The following ARHGAP35 variants were observed in gnomAD, a reference collection of about 807,000 sequenced individuals.
The protein encoded by ARHGAP35 is rho GTPase-activating protein 35.
ARHGAP35 carries 15 observed loss-of-function variants against 111.1 expected under a neutral mutation model. The observed-to-expected ratio is 0.13, with a 90% CI of 0.09 to 0.21. The LOEUF is 0.21. ARHGAP35 is among the 10% of genes least tolerant of loss of function. The pLI is 1.00. For synonymous variants in ARHGAP35, 643 were observed against 710.3 expected (o/e 0.91, Z 1.51); for missense variants, 1,262 against 1,873.0 (o/e 0.67, Z 6.02).
intron 1 of ARHGAP35, among the ~76,000 whole-genome samples, chr19:46,865,988 G>A (rs1335639122): frequency 6.6e-6 from 1 of 152,058 alleles, no homozygotes; most frequent in East Asian, 1.9e-4. Flanking sequence ...TTACAGGCAT[G>A]CACCACCACG....
chr19:46,991,095 G>A (rs1282831539), intron 5 of ARHGAP35, among the ~76,000 whole-genome samples: 3 of 152,178 alleles, frequency 2.0e-5, no homozygotes, highest in East Asian at 3.9e-4. Context: ...GGGGACAGTT[G>A]CAGGCTTCTC....
intron 1 of ARHGAP35, among the ~76,000 whole-genome samples, chr19:46,884,630 A>G (rs1175735205): frequency 6.6e-6 from 1 of 150,754 alleles, no homozygotes; most frequent in Non-Finnish European, 1.5e-5. Flanking sequence ...CCTAATAGCT[A>G]GGACTACAGG....
At chr19:46,889,531 C>A (rs1488202852) in intron 1 of ARHGAP35, among the ~76,000 whole-genome samples, 3 of 152,084 alleles carry the variant, frequency 2.0e-5, no homozygotes, top group Admixed American at 2.0e-4. Context: ...ATAAAATGTG[C>A]ACCGCCTTAG....
intron 1 of ARHGAP35, among the ~76,000 whole-genome samples, chr19:46,886,121 G>T (rs1462450586): frequency 6.6e-6 from 1 of 152,152 alleles, no homozygotes; most frequent in Non-Finnish European, 1.5e-5. Flanking sequence ...TTATGTTGTC[G>T]TCGTCCGTCC....
chr19:46,962,579 T>C (rs2056490319), intron 3 of ARHGAP35, among the ~76,000 whole-genome samples: 1 of 152,174 alleles, frequency 6.6e-6, no homozygotes, highest in South Asian at 2.1e-4. Flanking sequence ...AAAAGTTCGG[T>C]TCTCTGTTAC....
intron 1 of ARHGAP35, among the ~76,000 whole-genome samples, chr19:46,862,626 C>T (rs2055835003): frequency 6.6e-6 from 1 of 152,024 alleles, no homozygotes; most frequent in African/African-American, 2.4e-5. Flanking sequence ...TTAGTGTTTC[C>T]CTCCCCAGCT....
At chr19:46,906,454 T>C (rs1036733019) in intron 1 of ARHGAP35, among the ~76,000 whole-genome samples, 7 of 152,234 alleles carry the variant, frequency 4.6e-5, no homozygotes, top group African/African-American at 1.7e-4. Flanking sequence ...TCTCTTGCTA[T>C]GCAGCCAGGA....
At chr19:46,981,059 C>G (rs1222838943) in intron 3 of ARHGAP35, among the ~76,000 whole-genome samples, 1 of 152,152 alleles carries the variant, frequency 6.6e-6, no homozygotes, top group Non-Finnish European at 1.5e-5. Context: ...AGAAGACACA[C>G]CATAGATACA....
rs777545082 is a variant in ARHGAP35 at position 47,000,524 on chromosome 19, G to A, written c.4336G>A (p.Gly1446Ser). The A allele has an allele frequency of 6.8e-6, 11 of 1,612,084 alleles. No individual in the cohort carries two copies. The highest frequency in any genetic ancestry group is 1.6e-4 in the Middle Eastern group (1 of 6,080). ...FYNRPITEPP[G>S]ARPSSPSAVA... ...CAATCGGCCCATCACCGAGCCCCCC[G>A]GCGCCAGGCCCAGCTCCCCCTCTGC... is the stretch of plus-strand genomic sequence containing the variant. Residue 1446 changes from glycine to serine, a missense_variant, in exon 7 of 7, where the codon GGC (glycine) becomes AGC (serine). This residue lies in a region of ARHGAP35 where 75 missense variants were observed against 87.0 expected (regional missense o/e 0.86). Coordinates refer to ENST00000672722, the MANE Select transcript of ARHGAP35 (RefSeq NM_004491.5). The surrounding 1 kb of genome is among the most constrained non-coding windows in gnomAD (Gnocchi z 6.9).
At chr19:46,907,915 G>GA (rs1426608536) in intron 1 of ARHGAP35, among the ~76,000 whole-genome samples, 1 of 152,214 alleles carries the variant, frequency 6.6e-6, no homozygotes, top group Non-Finnish European at 1.5e-5. Flanking sequence ...GCAGTTTACA[G>GA]AATAATGCAA....
chr19:46,937,478 A>G (rs1273404900), intron 3 of ARHGAP35, 70 bp downstream of exon 3: 3 of 1,535,578 alleles, frequency 2.0e-6, no homozygotes, highest in East Asian at 4.5e-5. Context: ...GGGTCAAGCC[A>G]TCTGGAGATT....
intron 2 of ARHGAP35, among the ~76,000 whole-genome samples, chr19:46,925,373 CA>C (rs1391941239): frequency 6.6e-6 from 1 of 152,146 alleles, no homozygotes; most frequent in African/African-American, 2.4e-5. Flanking sequence ...AAGATGCCAT[CA>C]GGGGAGAGAA....
At chr19:46,863,468 C>T (rs1213384913) in intron 1 of ARHGAP35, among the ~76,000 whole-genome samples, 1 of 151,966 alleles carries the variant, frequency 6.6e-6, no homozygotes, top group Non-Finnish European at 1.5e-5. Context: ...CTGCTGTTTG[C>T]TCTCTCCCTT....
At chr19:46,955,926 A>G (rs530857490) in intron 3 of ARHGAP35, among the ~76,000 whole-genome samples, 5 of 152,334 alleles carry the variant, frequency 3.3e-5, no homozygotes, top group South Asian at 4.1e-4. Context: ...CAGGTCACGC[A>G]TCCCTAATCT....
chr19:46,960,826 T>A lies in ARHGAP35; in HGVS notation c.3826+23418T>A, dbSNP rs189405688. ...TTTTCCCACCTAAAAATGTATTGCA[T>A]ACATTTTCCTATAATGATGGGCATA... is the stretch of plus-strand genomic sequence containing the variant. On this transcript the variant is annotated intron_variant, in intron 3 of 6. Coordinates refer to ENST00000672722, the MANE Select transcript of ARHGAP35 (RefSeq NM_004491.5). Among the ~76,000 whole-genome samples the A allele has an allele frequency of 1.3e-3, 203 of 152,156 alleles. 2 individuals are homozygous for A. The highest frequency in any genetic ancestry group is 3.3e-3 in the Admixed American group (50 of 15,290).
chr19:46,950,133 A>G (rs1188692161), intron 3 of ARHGAP35, among the ~76,000 whole-genome samples: 1 of 152,180 alleles, frequency 6.6e-6, no homozygotes, highest in African/African-American at 2.4e-5. Flanking sequence ...CTGCTTTTGT[A>G]TTTTAAAAAT....
At chr19:46,940,313 C>T (rs1466099168) in intron 3 of ARHGAP35, among the ~76,000 whole-genome samples, 6 of 150,144 alleles carry the variant, frequency 4.0e-5, no homozygotes, top group East Asian at 2.0e-4. Flanking sequence ...GAGCCAAGAT[C>T]GCACCATTGC....
At chr19:46,906,097 G>T (rs1199779703) in intron 1 of ARHGAP35, among the ~76,000 whole-genome samples, 2 of 150,984 alleles carry the variant, frequency 1.3e-5, no homozygotes, top group Non-Finnish European at 3.0e-5. Flanking sequence ...CAAGAGGATT[G>T]CTTGAGCCCA....
intron 5 of ARHGAP35, among the ~76,000 whole-genome samples, chr19:46,998,792 C>T (rs1252669346): frequency 6.6e-6 from 1 of 152,222 alleles, no homozygotes; most frequent in Non-Finnish European, 1.5e-5. Flanking sequence ...CCCACTGTTT[C>T]CATCAGCCCC....
Sources: allele counts gnomAD v4.1 joint callset (sites outside exome capture counted in the v4.1 genomes callset), GRCh38; gene constraint gnomAD v4.1.1; regional missense constraint gnomAD v4.1.1; non-coding constraint Gnocchi (gnomAD v3.1); transcripts MANE v1.5; gene names NCBI Gene and HGNC (gene_info 2026-07-23, HGNC 2026-07-21).